Variants in MAPKAP1 observed in about 807,000 individuals in gnomAD.
MAPKAP1 encodes target of rapamycin complex 2 subunit MAPKAP1.
Under a neutral mutation model 65.7 loss-of-function variants are expected in MAPKAP1, and 20 were observed. The observed-to-expected ratio is 0.30, with a 90% confidence interval of 0.21 to 0.44. MAPKAP1 has a LOEUF of 0.44. Ranked by LOEUF, MAPKAP1 falls within the 20% of genes least tolerant of loss-of-function variation. The pLI is 1.00. For synonymous variants in MAPKAP1, 222 were observed against 244.3 expected (o/e 0.91, Z 0.85); for missense variants, 423 against 648.0 (o/e 0.65, Z 3.77).
At chr9:125,587,326 G>A (rs896744268) in intron 4 of MAPKAP1, among the ~76,000 whole-genome samples, 11 of 152,174 alleles carry the variant, frequency 7.2e-5, no homozygotes, top group Non-Finnish European at 1.3e-4. Flanking sequence ...AGTACTTTGA[G>A]AGGCCAAGGC....
At chr9:125,560,903 G>A (rs992183363) in intron 5 of MAPKAP1, among the ~76,000 whole-genome samples, 2 of 152,200 alleles carry the variant, frequency 1.3e-5, no homozygotes, top group African/African-American at 4.8e-5. Flanking sequence ...GTAAAAAGTT[G>A]ATCTGTTCAA....
At chr9:125,506,144 C>T (rs991886861) in intron 8 of MAPKAP1, 166 bp downstream of exon 8, 1 of 657,358 alleles carries the variant, frequency 1.5e-6, no homozygotes. Flanking sequence ...CAAAATCAAT[C>T]ATTTCACTTT....
At chr9:125,444,394 A>G (rs1163641557) in intron 11 of MAPKAP1, 107 bp downstream of exon 11, 4 of 840,052 alleles carry the variant, frequency 4.8e-6, no homozygotes, top group Non-Finnish European at 7.5e-6. Context: ...GGGCCCGGGA[A>G]CCTTCTATAG....
At chr9:125,590,512 T>C (rs529380906) in intron 4 of MAPKAP1, among the ~76,000 whole-genome samples, 1 of 151,942 alleles carries the variant, frequency 6.6e-6, no homozygotes, top group African/African-American at 2.4e-5. Context: ...CAGCCGGGTG[T>C]GGTGGTGGGA....
At chr9:125,642,062 C>T (rs1025211921) in intron 4 of MAPKAP1, among the ~76,000 whole-genome samples, 5 of 151,170 alleles carry the variant, frequency 3.3e-5, no homozygotes, top group South Asian at 2.1e-4. Context: ...AAAATTAGGC[C>T]GGTGTGGTGG....
chr9:125,458,327 A>C (rs1025589961), intron 10 of MAPKAP1, among the ~76,000 whole-genome samples: 11 of 151,902 alleles, frequency 7.2e-5, no homozygotes, highest in African/African-American at 2.4e-4. Flanking sequence ...ATAAGTGAAC[A>C]AAGGTCTCTG....
intron 4 of MAPKAP1, among the ~76,000 whole-genome samples, chr9:125,618,546 A>G (rs1031813499): frequency 6.6e-6 from 1 of 152,128 alleles, no homozygotes; most frequent in Non-Finnish European, 1.5e-5. Context: ...GATTATTACT[A>G]AAACACAAAT....
intron 4 of MAPKAP1, among the ~76,000 whole-genome samples, chr9:125,656,188 C>T (rs1834027380): frequency 6.6e-6 from 1 of 152,148 alleles, no homozygotes; most frequent in Non-Finnish European, 1.5e-5. Context: ...ACCCTAATCC[C>T]AAGAATAACT....
chr9:125,531,362 C>T (rs1352417035), intron 7 of MAPKAP1, among the ~76,000 whole-genome samples: 1 of 152,200 alleles, frequency 6.6e-6, no homozygotes, highest in African/African-American at 2.4e-5. Flanking sequence ...AACATGACAA[C>T]TGATTCAAAT....
At chr9:125,494,906 C>T (rs1854883687) in intron 8 of MAPKAP1, among the ~76,000 whole-genome samples, 1 of 152,206 alleles carries the variant, frequency 6.6e-6, no homozygotes, top group Non-Finnish European at 1.5e-5. Flanking sequence ...AGTCTCAGCA[C>T]AGTGGCTGGC....
intron 6 of MAPKAP1, among the ~76,000 whole-genome samples, chr9:125,554,974 G>A (rs1830695958): frequency 6.6e-6 from 1 of 152,092 alleles, no homozygotes; most frequent in South Asian, 2.1e-4. Context: ...AAAGACTCAA[G>A]TTGACAAGTA....
chr9:125,582,894 C>A (rs1831667273), intron 5 of MAPKAP1, among the ~76,000 whole-genome samples: 1 of 152,164 alleles, frequency 6.6e-6, no homozygotes, highest in South Asian at 2.1e-4. Flanking sequence ...TGTTCCCTCA[C>A]CCAGGAATGA....
intron 5 of MAPKAP1, among the ~76,000 whole-genome samples, chr9:125,571,661 A>G (rs1424216139): frequency 6.6e-6 from 1 of 151,166 alleles, no homozygotes; most frequent in Non-Finnish European, 1.5e-5. Flanking sequence ...GTTTGAGACG[A>G]GCATGGCCAA....
At chr9:125,648,950 AAAGAAAAT>A (rs1316789653) in intron 4 of MAPKAP1, among the ~76,000 whole-genome samples, 3 of 152,160 alleles carry the variant, frequency 2.0e-5, no homozygotes, top group East Asian at 1.9e-4. Flanking sequence ...AAAAAAAAGA[AAAGAAAAT>A]AAGAAAATAA....
intron 4 of MAPKAP1, among the ~76,000 whole-genome samples, chr9:125,634,708 C>G (rs185592274): frequency 6.6e-6 from 1 of 152,144 alleles, no homozygotes; most frequent in Non-Finnish European, 1.5e-5. Flanking sequence ...CCAGACAATG[C>G]TTGATAAAGG....
intron 4 of MAPKAP1, among the ~76,000 whole-genome samples, chr9:125,654,316 G>C (rs530593547): frequency 3.1e-4 from 47 of 152,268 alleles, no homozygotes; most frequent in Non-Finnish European, 4.9e-4. Flanking sequence ...CAGAGGTTCC[G>C]TTCTCAACAA....
intron 4 of MAPKAP1, among the ~76,000 whole-genome samples, chr9:125,592,803 T>A (rs189240055): frequency 4.6e-4 from 69 of 149,414 alleles, no homozygotes; most frequent in African/African-American, 1.7e-3. Flanking sequence ...CTCAGGAGGC[T>A]GAGGCAGGAG....
chr9:125,672,603 G>A lies in MAPKAP1; in HGVS notation c.-29C>T. On this transcript the variant is annotated 5_prime_UTR_variant, in exon 2 of 12. Transcript: ENST00000265960. Reference sequence around the variant, plus strand: ...TTCTGTGGGCCAATTTCCTTAAAAGGCTATTTTCTCCTCTTCATATTGTTT... The same window carrying A: ...TTCTGTGGGCCAATTTCCTTAAAAGACTATTTTCTCCTCTTCATATTGTTT... 1 of 1,610,034 alleles carries A rather than the reference G, an allele frequency of 6.2e-7. No individual in the cohort carries two copies. The highest frequency in any genetic ancestry group is 8.5e-7 in the Non-Finnish European group (1 of 1,177,080).
At chr9:125,698,288 A>AATATATATATATATATAT (rs57303829) in intron 1 of MAPKAP1, among the ~76,000 whole-genome samples, 2 of 49,046 alleles carry the variant, frequency 4.1e-5, no homozygotes, top group Admixed American at 2.6e-4. Context: ...AATATATATA[A>AATATATATATATATATAT]ATATATATAT....
Sources: allele counts gnomAD v4.1 joint callset (sites outside exome capture counted in the v4.1 genomes callset), GRCh38; gene constraint gnomAD v4.1.1; transcripts MANE v1.5; gene names NCBI Gene and HGNC (gene_info 2026-07-23, HGNC 2026-07-21).